The following LIMS1 variants were observed in gnomAD, a reference collection of about 807,000 sequenced individuals.
LIMS1 encodes LIM zinc finger domain containing 1.
Under a neutral mutation model 44.1 loss-of-function variants are expected in LIMS1, and 18 were observed. The ratio of observed to expected loss-of-function variants is 0.41; its 90% CI spans 0.28 to 0.61. LIMS1 has a LOEUF of 0.61. Ranked by LOEUF, LIMS1 falls within the 20% of genes least tolerant of loss-of-function variation. LIMS1 has a pLI of 0.32. For synonymous variants in LIMS1, 93 were observed against 149.1 expected, an observed-to-expected ratio of 0.62 and a Z score of 2.74; for missense variants, 201 against 422.0, an observed-to-expected ratio of 0.48 and a Z score of 4.59.
intron 9 of LIMS1, among the ~76,000 whole-genome samples, chr2:108,682,237 G>T (rs1411959995): frequency 3.9e-5 from 6 of 152,280 alleles, no homozygotes; most frequent in African/African-American, 1.2e-4. Context: ...ATGAGGCCGG[G>T]CATGGTGGCT....
chr2:108,590,054 A>T (rs1686302804), intron 1 of LIMS1, among the ~76,000 whole-genome samples: 1 of 152,234 alleles, frequency 6.6e-6, no homozygotes, highest in Non-Finnish European at 1.5e-5. Context: ...GAAAACATTT[A>T]TTAAGGGGTG....
intron 1 of LIMS1, among the ~76,000 whole-genome samples, chr2:108,590,332 A>G (rs950939919): frequency 2.0e-5 from 3 of 152,234 alleles, no homozygotes; most frequent in African/African-American, 7.2e-5. Flanking sequence ...AGTATTTTTC[A>G]TGGATAAGAA....
chr2:108,606,371 C>A (rs952971183), intron 1 of LIMS1, among the ~76,000 whole-genome samples: 13 of 152,194 alleles, frequency 8.5e-5, no homozygotes, highest in African/African-American at 3.1e-4. Context: ...AGGTGGGATT[C>A]TTCACCAAGG....
chr2:108,631,497 G>A (rs747394775), intron 1 of LIMS1, among the ~76,000 whole-genome samples: 2 of 150,290 alleles, frequency 1.3e-5, no homozygotes, highest in Non-Finnish European at 1.5e-5. Context: ...TCAAATGATT[G>A]TATGCTGTGG....
At chr2:108,665,678 C>T (rs1472654751) in intron 2 of LIMS1, among the ~76,000 whole-genome samples, 3 of 151,930 alleles carry the variant, frequency 2.0e-5, no homozygotes. Flanking sequence ...AGGCGCATGC[C>T]ACCACGTCTG....
At chr2:108,564,694 A>G (rs1238479991) in intron 1 of LIMS1, among the ~76,000 whole-genome samples, 1 of 152,172 alleles carries the variant, frequency 6.6e-6, no homozygotes, top group African/African-American at 2.4e-5. Context: ...TTGGCACGTC[A>G]TACGATTTAG....
chr2:108,669,983 C>A (rs565566787), intron 2 of LIMS1, among the ~76,000 whole-genome samples: 44 of 151,976 alleles, frequency 2.9e-4, no homozygotes, highest in Non-Finnish European at 4.4e-4. Flanking sequence ...ACCTTTACAG[C>A]CTTATGGATT....
At chr2:108,567,648 T>A (rs796166404) in intron 1 of LIMS1, among the ~76,000 whole-genome samples, 14 of 152,322 alleles carry the variant, frequency 9.2e-5, no homozygotes, top group African/African-American at 3.4e-4. Flanking sequence ...CTTGGCTTAC[T>A]ACAACCTCTG....
intron 1 of LIMS1, among the ~76,000 whole-genome samples, chr2:108,560,076 G>A (rs1454407433): frequency 6.6e-6 from 1 of 152,176 alleles, no homozygotes; most frequent in Non-Finnish European, 1.5e-5. Flanking sequence ...GAGTTGTTCA[G>A]CTGTGTATTC....
intron 2 of LIMS1, among the ~76,000 whole-genome samples, chr2:108,666,077 A>C (rs1691736422): frequency 6.6e-6 from 1 of 151,620 alleles, no homozygotes; most frequent in Non-Finnish European, 1.5e-5. Flanking sequence ...AGTGGACACC[A>C]GCTGGGCGTT....
intron 1 of LIMS1, among the ~76,000 whole-genome samples, chr2:108,574,165 A>G (rs951487298): frequency 2.0e-5 from 3 of 152,146 alleles, no homozygotes; most frequent in Admixed American, 6.5e-5. Context: ...TCCTAAGGGT[A>G]TGAAGTACAT....
intron 1 of LIMS1, among the ~76,000 whole-genome samples, chr2:108,577,400 G>A (rs1685709631): frequency 6.6e-6 from 1 of 152,210 alleles, no homozygotes; most frequent in Admixed American, 6.5e-5. Context: ...AATATGTTTT[G>A]TGTGTACATC....
At position 108,544,457 on chromosome 2, in the gene LIMS1, A is replaced by G. The variant is rs190600628; in HGVS notation, c.32+9863A>G. Among the ~76,000 whole-genome samples the G allele has an allele frequency of 6.6e-5, 10 of 152,210 alleles. No individual in the cohort carries two copies. The East Asian group carries it at 1.9e-3, about 29-fold the overall frequency. On this transcript the variant is annotated intron_variant, in intron 1 of 9. Coordinates refer to ENST00000544547, the Ensembl canonical transcript of LIMS1. ...CATATACAAAAATACAGAGAATAAT[A>G]TGTCTCTGTGTGTTTCTGCTCAGCT...
chr2:108,667,545 A>ATATAT (rs1160627769), intron 2 of LIMS1, among the ~76,000 whole-genome samples: 1 of 70,442 alleles, frequency 1.4e-5, no homozygotes, highest in African/African-American at 4.6e-5. Context: ...TTTTAAAAAA[A>ATATAT]AAAAAAATAT....
At chr2:108,662,545 C>G in intron 2 of LIMS1, 1 of 1,257,588 alleles carries the variant, frequency 8.0e-7, no homozygotes, top group Non-Finnish European at 1.0e-6. Flanking sequence ...ACTATTTTGG[C>G]TAAATTGTTT....
chr2:108,617,537 C>T (rs961052007), intron 1 of LIMS1, among the ~76,000 whole-genome samples: 9 of 152,186 alleles, frequency 5.9e-5, no homozygotes, highest in African/African-American at 2.2e-4. Flanking sequence ...TCTTCTCAAA[C>T]ATGACATTGT....
intron 1 of LIMS1, among the ~76,000 whole-genome samples, chr2:108,592,901 T>A (rs529484153): frequency 6.6e-6 from 1 of 152,336 alleles, no homozygotes; most frequent in African/African-American, 2.4e-5. Flanking sequence ...TTTATTGTAT[T>A]AATAGTAAAA....
chr2:108,564,943 G>A (rs936717068), intron 1 of LIMS1, among the ~76,000 whole-genome samples: 17 of 151,822 alleles, frequency 1.1e-4, no homozygotes, highest in Non-Finnish European at 1.5e-5. Flanking sequence ...GGGAAGGAAA[G>A]GGCCAGCGCT....
chr2:108,587,591 A>G (rs1481308394), intron 1 of LIMS1, among the ~76,000 whole-genome samples: 2 of 152,100 alleles, frequency 1.3e-5, no homozygotes, highest in African/African-American at 4.8e-5. Context: ...CTCTATAATA[A>G]AGGAATTGGG....
Sources: allele counts gnomAD v4.1 joint callset (sites outside exome capture counted in the v4.1 genomes callset), GRCh38; gene constraint gnomAD v4.1.1; transcripts MANE v1.5; gene names NCBI Gene and HGNC (gene_info 2026-07-23, HGNC 2026-07-21).